DNMT3A: variants seen among roughly 807,000 people sequenced by gnomAD.
DNMT3A encodes the protein DNA methyltransferase 3 alpha.
Under a neutral mutation model 117.6 loss-of-function variants are expected in DNMT3A, and 267 were observed. That is an observed-to-expected ratio of 2.27 (90% CI 2.05 to 2.51). DNMT3A has a LOEUF of 2.51. DNMT3A is among the 30% of genes most tolerant of loss of function. DNMT3A has a pLI of 0.00. For missense variants in DNMT3A, 1,029 were observed against 1,260.2 expected, an observed-to-expected ratio of 0.82 and a Z score of 2.78; for synonymous variants, 432 against 474.8, an observed-to-expected ratio of 0.91 and a Z score of 1.17.
intron 1 of DNMT3A, among the ~76,000 whole-genome samples, chr2:25,320,508 A>C (rs2034549730): frequency 6.6e-6 from 1 of 152,236 alleles, no homozygotes; most frequent in Admixed American, 6.5e-5. Context: ...TGTCAGTTAA[A>C]AAGAAAAAAA....
rs987545460 is a variant in DNMT3A, at chr2:25,327,501, T to C, written c.-177-13340A>G. Among the ~76,000 whole-genome samples, 1 of 152,146 alleles carries C rather than the reference T, an allele frequency of 6.6e-6. No individual in the cohort carries two copies. The highest frequency in any genetic ancestry group is 1.5e-5 in the Non-Finnish European group (1 of 68,018). ...CAGCAACTGCCTTCTGTGTGTTCTC[T>C]CCCAGCCATGACTCCATCTGGCTCC... On this transcript the variant is annotated intron_variant, in intron 1 of 22. Coordinates refer to ENST00000321117, the MANE Select transcript of DNMT3A (RefSeq NM_022552.5). The surrounding 1 kb of genome is among the most constrained non-coding windows in gnomAD (Gnocchi z 4.1).
At position 25,232,745 on chromosome 2, in the gene DNMT3A, G is replaced by C. The variant is rs1672936006; in HGVS notation, c.*1534C>G. 1 of 182,130 alleles carries C rather than the reference G, an allele frequency of 5.5e-6. No homozygotes were observed. Among genetic ancestry groups the C allele is most frequent in the Non-Finnish European group, 1.2e-5 (1 of 85,554 alleles). 11.3% of individuals were successfully genotyped at this position (182,130 alleles called of 1,614,324 possible). On this transcript the variant is annotated 3_prime_UTR_variant, in exon 23 of 23. Coordinates refer to ENST00000321117, the MANE Select transcript of DNMT3A (RefSeq NM_022552.5). The surrounding 1 kb of genome is among the most constrained non-coding windows in gnomAD (Gnocchi z 4.1). ...TTTGAAACCTAAAGGGAAGGGTGTT[G>C]GGTTTTTGTTTTCTTAAAGAAAATC...
chr2:25,294,879 C>A lies in DNMT3A; in HGVS notation c.177+5260G>T, dbSNP rs1027656354. ...CTGAGCTCAGCACCAGCGCCCAGCC[C>A]CCTCCTCCTCCTCCCTCCCATTCTG... is the stretch of plus-strand genomic sequence containing the variant. On this transcript the variant is annotated intron_variant, in intron 3 of 22. Coordinates refer to ENST00000321117, the MANE Select transcript of DNMT3A (RefSeq NM_022552.5). This position sits in a 1 kb window ranked among gnomAD's most constrained non-coding sequence, Gnocchi z 4.7. 4.7e-4 allele frequency among the ~76,000 whole-genome samples: 71 copies of A among 152,156 alleles called. No homozygotes were observed. The highest frequency in any genetic ancestry group is 1.7e-3 in the African/African-American group (69 of 41,422).
At chr2:25,270,901 G>T (rs1008940742) in intron 6 of DNMT3A, among the ~76,000 whole-genome samples, 3 of 152,226 alleles carry the variant, frequency 2.0e-5, no homozygotes, top group Non-Finnish European at 4.4e-5. Context: ...GTGCACGCCT[G>T]TAATCCCAGC....
At chr2:25,288,665 C>T (rs2032510181) in intron 3 of DNMT3A, among the ~76,000 whole-genome samples, 1 of 152,158 alleles carries the variant, frequency 6.6e-6, no homozygotes, top group Admixed American at 6.5e-5. Flanking sequence ...ATAACATTTA[C>T]CATTTTAACC....
rs546466419 is a variant in DNMT3A at position 25,296,522 on chromosome 2, C to T, written c.177+3617G>A. ...GTCCCGGGGGGTTCCTGAAGAAGGA[C>T]GTGCCGGTGCTACATTTACTGTGAT... On this transcript the variant is annotated intron_variant, in intron 3 of 22. Coordinates refer to ENST00000321117, the MANE Select transcript of DNMT3A (RefSeq NM_022552.5). The surrounding 1 kb of genome is among the most constrained non-coding windows in gnomAD (Gnocchi z 4.2). 1.3e-4 allele frequency among the ~76,000 whole-genome samples: 20 copies of T among 152,276 alleles called. No individual in the cohort carries two copies. The East Asian group carries it at 1.9e-3, about 15-fold the overall frequency.
chr2:25,239,693 C>T (rs189168556), intron 19 of DNMT3A, among the ~76,000 whole-genome samples: 117 of 152,242 alleles, frequency 7.7e-4, no homozygotes, highest in Non-Finnish European at 1.4e-3. Context: ...CTCAAACAGA[C>T]GCCTGCTCAC....
chr2:25,244,600 T>TA lies in DNMT3A; in HGVS notation c.1606dup (p.Tyr536LeufsTer10). The stretch of plus-strand genomic sequence containing the variant: ...ACGGCCCCCACAGCAGATGGTGCAG[T>TA]AGGACTGGTAGCCGTCGTCGTCGTA... On this transcript the variant is annotated frameshift_variant, in exon 14 of 23. Coordinates refer to ENST00000321117, the MANE Select transcript of DNMT3A (RefSeq NM_022552.5). LOFTEE classifies it high-confidence loss of function. 1 of 1,614,068 alleles carries TA rather than the reference T, an allele frequency of 6.2e-7. No homozygotes were observed. Among genetic ancestry groups the TA allele is most frequent in the Non-Finnish European group, 8.5e-7 (1 of 1,179,972 alleles).
intron 2 of DNMT3A, among the ~76,000 whole-genome samples, chr2:25,310,723 G>A (rs568773645): frequency 3.4e-4 from 52 of 152,322 alleles, no homozygotes; most frequent in Admixed American, 5.9e-4. Flanking sequence ...GAAGAAAAGG[G>A]CCGTGACCCT....
intron 6 of DNMT3A, among the ~76,000 whole-genome samples, chr2:25,248,674 A>G (rs1368939223): frequency 1.3e-5 from 2 of 151,818 alleles, no homozygotes; most frequent in Non-Finnish European, 2.9e-5. Flanking sequence ...CAGCCTCCCG[A>G]GTAGCTGGGA....
In DNMT3A at chr2:25,260,850, A is replaced by C. The variant is rs145199385; in HGVS notation, c.640-12598T>G. ...ATGGAAGTCAGAAAGGGCTCCACAG[A>C]GGGCATGGTGGCACGTGCCTGTAAT... is the stretch of plus-strand genomic sequence containing the variant. On this transcript the variant is annotated intron_variant, in intron 6 of 22. Coordinates refer to ENST00000321117, the MANE Select transcript of DNMT3A (RefSeq NM_022552.5). Among the ~76,000 whole-genome samples, 123 of 152,226 alleles carry C rather than the reference A, an allele frequency of 8.1e-4. 1 individual carries two copies. Among genetic ancestry groups the C allele is most frequent in the African/African-American group, 2.8e-3 (117 of 41,534 alleles).
intron 6 of DNMT3A, among the ~76,000 whole-genome samples, chr2:25,260,435 C>T (rs1676501184): frequency 6.6e-6 from 1 of 152,084 alleles, no homozygotes; most frequent in South Asian, 2.1e-4. Context: ...AGTCTAAGAG[C>T]ATCTTTGGTA....
chr2:25,256,231 G>A (rs1379778830), intron 6 of DNMT3A, among the ~76,000 whole-genome samples: 2 of 152,170 alleles, frequency 1.3e-5, no homozygotes, highest in Non-Finnish European at 2.9e-5. Context: ...CAGCTCAAAA[G>A]CCTCAATGCC....
At chr2:25,246,351 C>A in intron 10 of DNMT3A, 42 bp from the exon 11 acceptor site, 2 of 1,560,838 alleles carry the variant, frequency 1.3e-6, no homozygotes, top group South Asian at 1.2e-5. Context: ...TACAGGCTGA[C>A]AGGAAACTCC....
At position 25,234,322 on chromosome 2, in the gene DNMT3A, C is replaced by G. The variant is rs1480791034; in HGVS notation, c.2696G>C (p.Arg899Pro). Reference sequence around the variant, plus strand: ...CTCCTTCAGCGGAGCGAAGAGGTGGCGGATGACTGGCACGCTCCATGACCG... The same window carrying G: ...CTCCTTCAGCGGAGCGAAGAGGTGGGGGATGACTGGCACGCTCCATGACCG... ...LGRSWSVPVI[R>P]HLFAPLKEYF... is the part of the protein sequence containing the mutation. Residue 899 changes from arginine (R) to proline (P), a missense_variant, in exon 23 of 23, where the codon CGC becomes CCC. Arg to Pro is a moderately radical substitution (Grantham distance 103). Coordinates refer to ENST00000321117, the MANE Select transcript of DNMT3A (RefSeq NM_022552.5). This position sits in a 1 kb window ranked among gnomAD's most constrained non-coding sequence, Gnocchi z 4.5. 1.2e-6 allele frequency: 2 copies of G among 1,614,006 alleles called. No homozygotes were observed. The highest frequency in any genetic ancestry group is 1.7e-6 in the Non-Finnish European group (2 of 1,179,936).
At position 25,275,141 on chromosome 2, in the gene DNMT3A, C is replaced by T. The variant is rs1206156696; in HGVS notation, c.493-54G>A. ...TTAGGGTGGGCACTGACGGACCCAC[C>T]AAGGAGGCACTCGCCTCAAACACAA... On this transcript the variant is annotated intron_variant, in intron 5 of 22. Coordinates refer to ENST00000321117, the MANE Select transcript of DNMT3A (RefSeq NM_022552.5). 5.3e-6 allele frequency: 8 copies of T among 1,500,020 alleles called. No individual in the cohort carries two copies. In the African/African-American group the frequency reaches 8.4e-5, roughly 16 times the overall value. 92.9% of individuals were successfully genotyped at this position (1,500,020 alleles called of 1,614,324 possible).
chr2:25,314,143 G>A lies in DNMT3A; in HGVS notation c.-159C>T. 1 of 1,426,788 alleles carries A rather than the reference G, an allele frequency of 7.0e-7. No homozygotes were observed. The highest frequency in any genetic ancestry group is 9.1e-7 in the Non-Finnish European group (1 of 1,093,912). 88.4% of individuals were successfully genotyped at this position (1,426,788 alleles called of 1,614,324 possible). On this transcript the variant is annotated 5_prime_UTR_variant, in exon 2 of 23. Coordinates refer to ENST00000321117, the MANE Select transcript of DNMT3A (RefSeq NM_022552.5). ...CGGTGCCTCTGTCAGCCTGTGGGTG[G>A]GGGCTTCGATGGCTCCACCTGTGGG... is the stretch of plus-strand genomic sequence containing the variant.
In DNMT3A at chr2:25,298,718, G is replaced by A. The variant is rs984012611; in HGVS notation, c.177+1421C>T. On this transcript the variant is annotated intron_variant, in intron 3 of 22. Transcript: ENST00000321117. The surrounding 1 kb of genome is among the most constrained non-coding windows in gnomAD (Gnocchi z 4.3). Reference sequence around the variant, plus strand: ...GCCAGAAAGTCCTCTCTGAAGCCCCGTGTTATTTTTCAACATCACGTGAAT... The same window carrying A: ...GCCAGAAAGTCCTCTCTGAAGCCCCATGTTATTTTTCAACATCACGTGAAT... 1.3e-5 allele frequency among the ~76,000 whole-genome samples: 2 copies of A among 152,150 alleles called. No individual in the cohort carries two copies. The highest frequency in any genetic ancestry group is 2.1e-4 in the South Asian group (1 of 4,826).
intron 2 of DNMT3A, among the ~76,000 whole-genome samples, chr2:25,309,988 A>G (rs1011748386): frequency 1.3e-5 from 2 of 152,156 alleles, no homozygotes; most frequent in African/African-American, 4.8e-5. Context: ...CCCGGGAGGC[A>G]GAGCTTGCAG....
Sources: allele counts gnomAD v4.1 joint callset (sites outside exome capture counted in the v4.1 genomes callset), GRCh38; gene constraint gnomAD v4.1.1; non-coding constraint Gnocchi (gnomAD v3.1); transcripts MANE v1.5; gene names NCBI Gene and HGNC (gene_info 2026-07-23, HGNC 2026-07-21).